The following ATG7 variants were observed in gnomAD, a reference collection of about 807,000 sequenced individuals.
ATG7 encodes the protein ubiquitin-like modifier-activating enzyme ATG7.
Under a neutral mutation model 82.4 loss-of-function variants are expected in ATG7, and 70 were observed. That is an observed-to-expected ratio of 0.85 (90% confidence interval 0.70 to 1.04). The LOEUF (loss-of-function observed/expected upper bound fraction) is 1.04, where lower values mean the gene tolerates loss of function less well. Ranked by LOEUF, ATG7 falls within the 50% of genes least tolerant of loss-of-function variation. ATG7 has a pLI of 0.00. For missense variants in ATG7, 792 were observed against 864.3 expected, an observed-to-expected ratio of 0.92 and a Z score of 1.05; for synonymous variants, 287 against 313.0, an observed-to-expected ratio of 0.92 and a Z score of 0.88.
chr3:11,536,720 GC>G (rs1304518103), intron 20 of ATG7, among the ~76,000 whole-genome samples: 1 of 152,130 alleles, frequency 6.6e-6, no homozygotes, highest in Non-Finnish European at 1.5e-5. Flanking sequence ...TCCGACCGGG[GC>G]CGAGCAGCGA....
At chr3:11,433,044 C>G (rs2083050071) in intron 20 of ATG7, among the ~76,000 whole-genome samples, 2 of 152,064 alleles carry the variant, frequency 1.3e-5, no homozygotes, top group Admixed American at 1.3e-4. Flanking sequence ...GAAATCCCAG[C>G]ACTTTGGGAG....
At chr3:11,294,838 G>A (rs974822047) in intron 3 of ATG7, among the ~76,000 whole-genome samples, 20 of 152,210 alleles carry the variant, frequency 1.3e-4, no homozygotes, top group African/African-American at 4.6e-4. Context: ...TCAAAGGCCG[G>A]GAGCAGTGGC....
intron 20 of ATG7, among the ~76,000 whole-genome samples, chr3:11,443,585 C>T (rs928186689): frequency 1.3e-5 from 2 of 152,080 alleles, no homozygotes; most frequent in Middle Eastern, 3.2e-3. Context: ...CAGGGTTTTG[C>T]CATGTTGCCC....
the ATG7 span, chr3:11,564,956 C>T: frequency 1.3e-5 from 21 of 1,561,648 alleles, no homozygotes; most frequent in Admixed American, 4.0e-5. Flanking sequence ...CCACAGCGCG[C>T]TCGATGGGGC....
At chr3:11,513,412 G>A (rs1245451649) in intron 20 of ATG7, among the ~76,000 whole-genome samples, 2 of 152,244 alleles carry the variant, frequency 1.3e-5, no homozygotes, top group Non-Finnish European at 2.9e-5. Context: ...AAGGCCCAGG[G>A]AGAAATTGAG....
At chr3:11,564,833 G>A in the ATG7 span, 2 of 1,594,394 alleles carry the variant, frequency 1.3e-6, no homozygotes, top group Non-Finnish European at 1.7e-6. Context: ...TGGGCGAGAG[G>A]CCGGCTGGCC....
At chr3:11,311,085 AG>A (rs1948593075) in intron 7 of ATG7, among the ~76,000 whole-genome samples, 1 of 152,188 alleles carries the variant, frequency 6.6e-6, no homozygotes, top group East Asian at 1.9e-4. Context: ...TCTTACTTAA[AG>A]TTTTAAGGTT....
chr3:11,367,380 T>C (rs1197746383), intron 18 of ATG7, among the ~76,000 whole-genome samples: 5 of 152,140 alleles, frequency 3.3e-5, no homozygotes, highest in African/African-American at 4.8e-5. Flanking sequence ...CTGGGCTCAT[T>C]TTTCTCAGTT....
chr3:11,331,555 C>T (rs1951652226), intron 10 of ATG7, 127 bp downstream of exon 10: 1 of 833,792 alleles, frequency 1.2e-6, no homozygotes, highest in South Asian at 1.6e-5. Flanking sequence ...GCATGGAAAC[C>T]AGGTAATCAA....
intron 20 of ATG7, among the ~76,000 whole-genome samples, chr3:11,553,637 G>GC (rs1267991255): frequency 6.6e-6 from 1 of 152,184 alleles, no homozygotes; most frequent in Non-Finnish European, 1.5e-5. Flanking sequence ...CCGCAGACCG[G>GC]CCCATCCACA....
At chr3:11,552,733 C>T (rs2071928074) in intron 20 of ATG7, among the ~76,000 whole-genome samples, 1 of 152,238 alleles carries the variant, frequency 6.6e-6, no homozygotes, top group South Asian at 2.1e-4. Flanking sequence ...ATCCCCTGCA[C>T]AGCTCAGGCA....
chr3:11,423,685 T>G (rs1457904548), intron 19 of ATG7, among the ~76,000 whole-genome samples: 1 of 152,076 alleles, frequency 6.6e-6, no homozygotes, highest in African/African-American at 2.4e-5. Flanking sequence ...TGGGCTTGAC[T>G]CTACGCACGT....
chr3:11,526,660 G>A (rs1023225370), intron 20 of ATG7, among the ~76,000 whole-genome samples: 5 of 152,194 alleles, frequency 3.3e-5, no homozygotes, highest in South Asian at 2.1e-4. Context: ...GATTTTCCAC[G>A]TAGACAGTGG....
intron 19 of ATG7, among the ~76,000 whole-genome samples, chr3:11,397,536 T>C (rs9838773): frequency 0.83 from 125,426 of 151,800 alleles, 52,026 homozygotes; most frequent in East Asian, 1. Context: ...TGGGTCACTG[T>C]AGCCTCCATC....
intron 20 of ATG7, among the ~76,000 whole-genome samples, chr3:11,435,446 C>T (rs757300884): frequency 2.6e-5 from 4 of 152,140 alleles, no homozygotes; most frequent in Non-Finnish European, 4.4e-5. Flanking sequence ...GTACAGCTTC[C>T]GAAGATGAGT....
At chr3:11,503,780 C>CAAAAAAAAAAAAAAAAAAAAAAAAAA (rs1409208916) in intron 20 of ATG7, among the ~76,000 whole-genome samples, 1 of 105,462 alleles carries the variant, frequency 9.5e-6, no homozygotes. Flanking sequence ...AAAAAAAAAT[C>CAAAAAAAAAAAAAAAAAAAAAAAAAA]AAATGATTAA....
Position 11,309,004 on chromosome 3 carries a change from A to G in ATG7, c.354A>G (p.Ser118=), listed in dbSNP as rs756599265. 1.9e-5 allele frequency: 30 copies of G among 1,613,864 alleles called. No homozygotes were observed. The highest frequency in any genetic ancestry group is 2.2e-5 in the South Asian group (2 of 91,084). Residue 118 remains serine (S), a synonymous_variant, in exon 7 of 21, where the codon TCA becomes TCG. Coordinates refer to ENST00000693202, the MANE Select transcript of ATG7 (RefSeq NM_001349232.2). ...AANEIWESIK[S]GTALENPVLL... is the part of the protein sequence containing the mutation. ...TGCAGATATGGGAATCCATAAAATCAGGCACTGCTCTTGAAAACCCTGTAC... is the reference window on the plus strand; with the variant it reads ...TGCAGATATGGGAATCCATAAAATCGGGCACTGCTCTTGAAAACCCTGTAC...
chr3:11,497,869 C>T (rs1016588048), intron 20 of ATG7, among the ~76,000 whole-genome samples: 1 of 152,098 alleles, frequency 6.6e-6, no homozygotes, highest in African/African-American at 2.4e-5. Flanking sequence ...CCTTTGTTGA[C>T]ATAAATGGTT....
At chr3:11,424,569 A>G (rs2082202344) in intron 19 of ATG7, among the ~76,000 whole-genome samples, 1 of 149,880 alleles carries the variant, frequency 6.7e-6, no homozygotes, top group Non-Finnish European at 1.5e-5. Flanking sequence ...TGTATTTATT[A>G]TCGGTGGCAA....
Sources: gnomAD v4.1 joint callset for allele counts (sites outside exome capture counted in the v4.1 genomes callset) on GRCh38, gnomAD v4.1.1 for gene constraint, MANE v1.5 for transcripts, NCBI Gene and HGNC (gene_info 2026-07-23, HGNC 2026-07-21) for gene names.